The following FAM241A variants were observed in gnomAD, a reference collection of about 807,000 sequenced individuals.
FAM241A encodes the protein uncharacterized protein FAM241A.
Under a neutral mutation model 12.2 loss-of-function variants are expected in FAM241A, and 7 were observed. That is an observed-to-expected ratio of 0.58 (90% CI 0.33 to 1.08). The LOEUF (loss-of-function observed/expected upper bound fraction) is 1.08, where lower values mean the gene tolerates loss of function less well. Among genes scored for constraint, FAM241A ranks in the 50% least tolerant of loss-of-function variants. The pLI is 0.04. For synonymous variants in FAM241A, 74 were observed against 68.2 expected, an observed-to-expected ratio of 1.08 and a Z score of -0.42; for missense variants, 161 against 169.7, an observed-to-expected ratio of 0.95 and a Z score of 0.29.
rs34894300 is a variant in FAM241A at position 112,160,404 on chromosome 4, CA to C, written c.153+14686del. Among the ~76,000 whole-genome samples the C allele has an allele frequency of 4.4e-3, 532 of 121,620 alleles. 1 individual carries two copies. Among genetic ancestry groups the C allele is most frequent in the Middle Eastern group, 0.013 (3 of 236 alleles). The allele number at this position is 121,620 out of a possible 152,430, so 79.8% of individuals were successfully genotyped here. On this transcript the variant is annotated intron_variant, in intron 1 of 1. Transcript: ENST00000309733. ...TGGGTAACAGAGCAAAACTCCATCT[CA>C]AAAAAAAAAAAAAAGGAAAGATATT...
chr4:112,165,118 A>G (rs913288078), intron 1 of FAM241A, among the ~76,000 whole-genome samples: 1 of 152,204 alleles, frequency 6.6e-6, no homozygotes, highest in Non-Finnish European at 1.5e-5. Flanking sequence ...AAACAAAAAC[A>G]AGACATACAA....
At chr4:112,176,378 A>T (rs1723821543) in intron 1 of FAM241A, among the ~76,000 whole-genome samples, 1 of 152,236 alleles carries the variant, frequency 6.6e-6, no homozygotes, top group Non-Finnish European at 1.5e-5. Context: ...TTTTCTTATC[A>T]CAACAACTCT....
chr4:112,163,190 TA>T (rs1223602713), intron 1 of FAM241A, among the ~76,000 whole-genome samples: 1 of 152,128 alleles, frequency 6.6e-6, no homozygotes, highest in Non-Finnish European at 1.5e-5. Context: ...ATATTAGACC[TA>T]AAACCATAAA....
intron 1 of FAM241A, among the ~76,000 whole-genome samples, chr4:112,184,826 A>AT (rs1461545761): frequency 6.6e-6 from 1 of 152,164 alleles, no homozygotes; most frequent in East Asian, 1.9e-4. Flanking sequence ...TCATATAGCC[A>AT]TTTCTTTAAT....
intron 1 of FAM241A, among the ~76,000 whole-genome samples, chr4:112,168,357 T>C (rs1321616865): frequency 6.6e-6 from 1 of 152,190 alleles, no homozygotes; most frequent in African/African-American, 2.4e-5. Flanking sequence ...GCTTAATAGA[T>C]ATTTCATTTC....
chr4:112,153,575 G>A (rs1723289898), intron 1 of FAM241A, among the ~76,000 whole-genome samples: 1 of 152,118 alleles, frequency 6.6e-6, no homozygotes, highest in Admixed American at 6.5e-5. Flanking sequence ...CTTCTTTTGA[G>A]CAGATAAACC....
chr4:112,188,876 ATATT>A lies in FAM241A; in HGVS notation c.*1939_*1942del, dbSNP rs1724100412. ...CTGCACACTGGTGTTAATAGGGTAT[ATATT>A]AAATTATATAAAGAAATAAGATATT... is the stretch of plus-strand genomic sequence containing the variant. On this transcript the variant is annotated 3_prime_UTR_variant, in exon 2 of 2. Transcript: ENST00000309733. 1 of 152,294 alleles carries A rather than the reference ATATT, an allele frequency of 6.6e-6. No individual in the cohort carries two copies. Among genetic ancestry groups the A allele is most frequent in the African/African-American group, 2.4e-5 (1 of 41,570 alleles). The allele number at this position is 152,294 out of a possible 1,614,324, so 9.4% of individuals were successfully genotyped here.
In FAM241A at chr4:112,162,094, C is replaced by T. The variant is rs141182727; in HGVS notation, c.153+16361C>T. On this transcript the variant is annotated intron_variant, in intron 1 of 1. Transcript: ENST00000309733. ...TCTCAAGAGATGCAGAAAAGGCCTT[C>T]GACAAAATTCAACAACCCTTCATGC... 4.4e-3 allele frequency among the ~76,000 whole-genome samples: 677 copies of T among 152,178 alleles called. 6 individuals carry two copies. Among genetic ancestry groups the T allele is most frequent in the African/African-American group, 0.013 (552 of 41,540 alleles).
intron 1 of FAM241A, among the ~76,000 whole-genome samples, chr4:112,163,514 A>G (rs1281173522): frequency 4.6e-5 from 7 of 152,238 alleles, no homozygotes; most frequent in Non-Finnish European, 1.0e-4. Flanking sequence ...ATGAACAGAC[A>G]CTTCTCAAAA....
intron 1 of FAM241A, among the ~76,000 whole-genome samples, chr4:112,181,753 A>G (rs1264417534): frequency 6.6e-6 from 1 of 152,156 alleles, no homozygotes; most frequent in Non-Finnish European, 1.5e-5. Context: ...GAGCTGAAAG[A>G]CCTCTGTGGC....
At chr4:112,166,783 G>A (rs542438488) in intron 1 of FAM241A, among the ~76,000 whole-genome samples, 33 of 152,188 alleles carry the variant, frequency 2.2e-4, no homozygotes, top group African/African-American at 7.0e-4. Flanking sequence ...AAGGAAGATG[G>A]AAAAAGATCA....
At chr4:112,162,287 A>G (rs1338850130) in intron 1 of FAM241A, among the ~76,000 whole-genome samples, 2 of 152,336 alleles carry the variant, frequency 1.3e-5, no homozygotes, top group African/African-American at 2.4e-5. Context: ...CCTATTCAAC[A>G]TACTGTTGGA....
intron 1 of FAM241A, among the ~76,000 whole-genome samples, chr4:112,164,411 G>T (rs554508008): frequency 6.6e-6 from 1 of 151,790 alleles, no homozygotes; most frequent in Non-Finnish European, 1.5e-5. Context: ...AGAACACTTG[G>T]ACACAAGGTG....
At position 112,187,711 on chromosome 4, in the gene FAM241A, T is replaced by G. The variant is rs1267165378; in HGVS notation, c.*773T>G. 1.3e-5 allele frequency: 2 copies of G among 152,554 alleles called. No individual in the cohort carries two copies. The highest frequency in any genetic ancestry group is 2.9e-5 in the Non-Finnish European group (2 of 67,976). The allele number at this position is 152,554 out of a possible 1,614,324, so 9.5% of individuals were successfully genotyped here. A position where few individuals can be genotyped will look rare whatever the true frequency, so the allele number is the denominator to read the frequency against. On this transcript the variant is annotated 3_prime_UTR_variant, in exon 2 of 2. Coordinates refer to ENST00000309733, the MANE Select transcript of FAM241A (RefSeq NM_152400.3). Reference sequence around the variant, plus strand: ...TTGACTGCACCCTATGGTAATGCCATATTTTCTTGTATCTAACAAGTTGCA... The same window carrying G: ...TTGACTGCACCCTATGGTAATGCCAGATTTTCTTGTATCTAACAAGTTGCA...
chr4:112,149,511 A>G (rs1723205390), intron 1 of FAM241A, among the ~76,000 whole-genome samples: 1 of 152,168 alleles, frequency 6.6e-6, no homozygotes, highest in African/African-American at 2.4e-5. Flanking sequence ...TTGCTTGTAA[A>G]TCCTTAAACT....
At chr4:112,162,848 G>A (rs1350914988) in intron 1 of FAM241A, among the ~76,000 whole-genome samples, 1 of 152,176 alleles carries the variant, frequency 6.6e-6, no homozygotes, top group African/African-American at 2.4e-5. Context: ...AGCCCGCATT[G>A]CCAAGACAAT....
chr4:112,185,065 T>G (rs1005736633), intron 1 of FAM241A, among the ~76,000 whole-genome samples: 6 of 152,178 alleles, frequency 3.9e-5, no homozygotes, highest in African/African-American at 1.2e-4. Context: ...ACTTATTATG[T>G]GAAGCCCTAT....
intron 1 of FAM241A, among the ~76,000 whole-genome samples, chr4:112,186,434 A>T (rs1414102967): frequency 6.6e-6 from 1 of 152,184 alleles, no homozygotes; most frequent in East Asian, 1.9e-4. Flanking sequence ...TGCCTCATAA[A>T]ACAGGAGGGT....
chr4:112,168,872 T>C (rs1723654191), intron 1 of FAM241A, among the ~76,000 whole-genome samples: 1 of 151,962 alleles, frequency 6.6e-6, no homozygotes, highest in Non-Finnish European at 1.5e-5. Context: ...AGCATGTTGG[T>C]CAGGCTGGTC....
Sources: gnomAD v4.1 joint callset for allele counts (sites outside exome capture counted in the v4.1 genomes callset) on GRCh38, gnomAD v4.1.1 for gene constraint, MANE v1.5 for transcripts, NCBI Gene and HGNC (gene_info 2026-07-23, HGNC 2026-07-21) for gene names.